Variants in XRCC4 observed in about 807,000 individuals in gnomAD.
XRCC4 encodes DNA repair protein XRCC4.
Under a neutral mutation model 39.1 loss-of-function variants are expected in XRCC4, and 28 were observed. That is an observed-to-expected ratio of 0.72 (90% CI 0.53 to 0.98). The LOEUF (loss-of-function observed/expected upper bound fraction) is 0.98. Among genes scored for constraint, XRCC4 ranks in the 50% least tolerant of loss-of-function variants. The pLI, the probability that XRCC4 is intolerant of heterozygous loss-of-function variation, is 0.00. For missense variants in XRCC4, 350 were observed against 376.4 expected (o/e 0.93, Z 0.58); for synonymous variants, 123 against 126.4 (o/e 0.97, Z 0.18).
intron 7 of XRCC4, among the ~76,000 whole-genome samples, chr5:83,347,753 C>G (rs2112222737): frequency 6.6e-6 from 1 of 152,278 alleles, no homozygotes; most frequent in Non-Finnish European, 1.5e-5. Context: ...AAAATCTTAA[C>G]TCATTCCAGT....
the XRCC4 span, among the ~76,000 whole-genome samples, chr5:83,370,361 C>A: frequency 6.6e-6 from 1 of 152,268 alleles, no homozygotes; most frequent in East Asian, 1.9e-4. Context: ...AAAGGTAGAT[C>A]CCCTCAGAAC....
intron 3 of XRCC4, among the ~76,000 whole-genome samples, chr5:83,173,513 A>G (rs1437518409): frequency 1.3e-5 from 2 of 152,192 alleles, no homozygotes; most frequent in Admixed American, 6.6e-5. Flanking sequence ...CAACTTCAAG[A>G]AGTCTTTCTA....
chr5:83,284,052 C>CAAAAAAAAAAAAA (rs766161565), intron 7 of XRCC4, among the ~76,000 whole-genome samples: 2 of 16,102 alleles, frequency 1.2e-4, no homozygotes, highest in African/African-American at 3.6e-4. Flanking sequence ...CAACCCAGAG[C>CAAAAAAAAAAAAA]AAAAAAAAAA....
At chr5:83,335,665 G>C (rs1756573177) in intron 7 of XRCC4, among the ~76,000 whole-genome samples, 1 of 151,952 alleles carries the variant, frequency 6.6e-6, no homozygotes. Context: ...CACAATGCCT[G>C]ACATTTAGAA....
At chr5:83,121,750 G>A (rs192652186) in intron 3 of XRCC4, among the ~76,000 whole-genome samples, 85 of 152,172 alleles carry the variant, frequency 5.6e-4, no homozygotes, top group African/African-American at 1.9e-3. Flanking sequence ...CATGCTTTGA[G>A]ATCACTTCTA....
At chr5:83,341,332 A>G (rs965685789) in intron 7 of XRCC4, among the ~76,000 whole-genome samples, 1 of 152,158 alleles carries the variant, frequency 6.6e-6, no homozygotes, top group Non-Finnish European at 1.5e-5. Flanking sequence ...ATACACACAC[A>G]TACACACATA....
intron 7 of XRCC4, among the ~76,000 whole-genome samples, chr5:83,300,157 A>G (rs767768680): frequency 1.9e-4 from 29 of 152,186 alleles, no homozygotes; most frequent in Non-Finnish European, 3.7e-4. Flanking sequence ...TTGCAAACAT[A>G]CTTTTTGGTT....
chr5:83,251,510 C>A lies in XRCC4; in HGVS notation c.746-7020C>A, dbSNP rs1005486660. 5.7e-5 allele frequency among the ~76,000 whole-genome samples: 7 copies of A among 123,350 alleles called. No homozygotes were observed. In the Admixed American group the frequency reaches 7.8e-4, roughly 14 times the overall value. The allele number at this position is 123,350 out of a possible 152,430, so 80.9% of individuals were successfully genotyped here. A position where few individuals can be genotyped will look rare whatever the true frequency, so the allele number is the denominator to read the frequency against. Reference sequence around the variant, plus strand: ...CTGCACTCCAGCCTGGGCGACAGAACGAGACTCCGTCTCAAAAAAAAAAAA... The same window carrying A: ...CTGCACTCCAGCCTGGGCGACAGAAAGAGACTCCGTCTCAAAAAAAAAAAA... On this transcript the variant is annotated intron_variant, in intron 6 of 7. Transcript: ENST00000396027.
At chr5:83,299,200 G>C (rs1755191636) in intron 7 of XRCC4, among the ~76,000 whole-genome samples, 1 of 152,010 alleles carries the variant, frequency 6.6e-6, no homozygotes, top group Admixed American at 6.6e-5. Context: ...ACTGGAGCTA[G>C]AATTCTGAGT....
At chr5:83,329,758 T>C (rs566525726) in intron 7 of XRCC4, among the ~76,000 whole-genome samples, 3 of 152,216 alleles carry the variant, frequency 2.0e-5, no homozygotes, top group Admixed American at 2.0e-4. Flanking sequence ...TCAAATTAAG[T>C]ACATTCCATT....
intron 3 of XRCC4, among the ~76,000 whole-genome samples, chr5:83,151,476 GA>G (rs1293432536): frequency 6.6e-6 from 1 of 152,080 alleles, no homozygotes; most frequent in African/African-American, 2.4e-5. Context: ...CATTCATAAA[GA>G]TTTTTTGTCA....
chr5:83,156,078 T>A (rs573784928), intron 3 of XRCC4, among the ~76,000 whole-genome samples: 1 of 152,222 alleles, frequency 6.6e-6, no homozygotes, highest in East Asian at 1.9e-4. Flanking sequence ...TTTTTGAAAA[T>A]GCTATTTTCC....
chr5:83,356,772 A>AT (rs1272234504), downstream of XRCC4: 1 of 454,660 alleles, frequency 2.2e-6, no homozygotes, highest in Admixed American at 2.4e-5. Context: ...AGGCACAGAA[A>AT]TTGAGTTACA....
chr5:83,166,319 C>A (rs776253328), intron 3 of XRCC4, among the ~76,000 whole-genome samples: 23 of 152,108 alleles, frequency 1.5e-4, no homozygotes, highest in Non-Finnish European at 2.9e-4. Context: ...GATTCATATT[C>A]CTTTGGGTAT....
At chr5:83,100,214 G>T (rs1381084423) in intron 1 of XRCC4, among the ~76,000 whole-genome samples, 4 of 151,966 alleles carry the variant, frequency 2.6e-5, no homozygotes, top group Non-Finnish European at 5.9e-5. Flanking sequence ...AGTCTCCAAA[G>T]GTTCAAATGT....
At chr5:83,121,366 A>G (rs762796121) in intron 3 of XRCC4, among the ~76,000 whole-genome samples, 13 of 152,212 alleles carry the variant, frequency 8.5e-5, no homozygotes, top group Admixed American at 3.3e-4. Flanking sequence ...ACAGTGTTCC[A>G]TAGAGTTCGT....
chr5:83,255,288 G>C (rs1428745757), intron 6 of XRCC4, among the ~76,000 whole-genome samples: 1 of 152,062 alleles, frequency 6.6e-6, no homozygotes, highest in Non-Finnish European at 1.5e-5. Flanking sequence ...TGAAGTAAGA[G>C]AATCTATTAC....
At chr5:83,210,384 C>T (rs1008491736) in intron 6 of XRCC4, among the ~76,000 whole-genome samples, 25 of 151,996 alleles carry the variant, frequency 1.6e-4, no homozygotes, top group African/African-American at 6.0e-4. Flanking sequence ...TATACATAAC[C>T]ATTGTTGCTA....
At chr5:83,233,259 C>A (rs901351404) in intron 6 of XRCC4, among the ~76,000 whole-genome samples, 3 of 152,124 alleles carry the variant, frequency 2.0e-5, no homozygotes, top group African/African-American at 7.2e-5. Flanking sequence ...CTACTTATTT[C>A]TCCAGCTTTG....
Sources: allele counts gnomAD v4.1 joint callset (sites outside exome capture counted in the v4.1 genomes callset), GRCh38; gene constraint gnomAD v4.1.1; transcripts MANE v1.5; gene names NCBI Gene and HGNC (gene_info 2026-07-23, HGNC 2026-07-21).